ZFHX3: variants seen among roughly 807,000 people sequenced by gnomAD.
The protein encoded by ZFHX3 is zinc finger homeobox 3.
ZFHX3 carries 42 observed loss-of-function variants against 279.1 expected under a neutral mutation model. The ratio of observed to expected loss-of-function variants is 0.15; its 90% CI spans 0.12 to 0.19. The LOEUF is 0.19. Ranked by LOEUF, ZFHX3 falls within the 10% of genes least tolerant of loss-of-function variation. ZFHX3 has a pLI of 1.00. For missense variants in ZFHX3, 4,981 were observed against 4,754.0 expected (o/e 1.05, Z -1.40); for synonymous variants, 2,293 against 1,957.8 (o/e 1.17, Z -4.52).
intron 3 of ZFHX3, among the ~76,000 whole-genome samples, chr16:73,332,027 A>G (rs780283112): frequency 7.2e-5 from 11 of 152,214 alleles, no homozygotes; most frequent in Non-Finnish European, 1.3e-4. Flanking sequence ...GTTCAACTCC[A>G]TGCCTTATGC....
intron 4 of ZFHX3, among the ~76,000 whole-genome samples, chr16:72,869,735 T>C (rs2038109351): frequency 6.6e-6 from 1 of 152,234 alleles, no homozygotes; most frequent in African/African-American, 2.4e-5. Flanking sequence ...AGCCATTTTT[T>C]CAAAACAATC....
chr16:72,791,524 G>A (rs1435574873), intron 9 of ZFHX3: 1 of 152,268 alleles, frequency 6.6e-6, no homozygotes, highest in East Asian at 1.9e-4. Flanking sequence ...CTGGGTGGAA[G>A]CTCTGGCTCC....
chr16:73,570,245 C>T (rs570006164), intron 2 of ZFHX3, among the ~76,000 whole-genome samples: 1 of 152,188 alleles, frequency 6.6e-6, no homozygotes, highest in African/African-American at 2.4e-5. Flanking sequence ...GGATTCCCGA[C>T]ACAAATGCAA....
At chr16:73,294,258 T>C (rs1002588718) in intron 4 of ZFHX3, 1 of 152,282 alleles carries the variant, frequency 6.6e-6, no homozygotes, top group Admixed American at 6.5e-5. Context: ...GTGGGTGTCA[T>C]CGGTTTCTTA....
chr16:73,790,832 A>C (rs142928213), intron 1 of ZFHX3, among the ~76,000 whole-genome samples: 54 of 152,338 alleles, frequency 3.5e-4, no homozygotes, highest in African/African-American at 1.2e-3. Context: ...GAGAAACTCA[A>C]GTTTGCCTTG....
At chr16:73,306,641 G>A (rs955428734) in intron 4 of ZFHX3, among the ~76,000 whole-genome samples, 1 of 152,162 alleles carries the variant, frequency 6.6e-6, no homozygotes, top group Non-Finnish European at 1.5e-5. Context: ...TATTTTTCAT[G>A]CCTCCAAATG....
intron 3 of ZFHX3, chr16:73,420,681 G>C (rs1395399725): frequency 6.6e-6 from 1 of 152,148 alleles, no homozygotes; most frequent in East Asian, 1.9e-4. Flanking sequence ...AAGCTGGCTG[G>C]TGTCGCCTCA....
At chr16:73,537,794 A>G (rs569249490) in intron 2 of ZFHX3, among the ~76,000 whole-genome samples, 2 of 152,158 alleles carry the variant, frequency 1.3e-5, no homozygotes, top group Non-Finnish European at 2.9e-5. Context: ...TTTATACCTA[A>G]CCAGGAAGAT....
chr16:73,284,901 G>A (rs2063000425), intron 4 of ZFHX3, among the ~76,000 whole-genome samples: 1 of 152,110 alleles, frequency 6.6e-6, no homozygotes, highest in South Asian at 2.1e-4. Context: ...GGAGAGCACT[G>A]GTGTGATCAG....
intron 6 of ZFHX3, among the ~76,000 whole-genome samples, chr16:73,134,182 A>G (rs1452099718): frequency 6.6e-6 from 1 of 152,256 alleles, no homozygotes; most frequent in African/African-American, 2.4e-5. Context: ...ATTTGAACCC[A>G]GCAAGTCTGA....
At chr16:73,554,630 T>C (rs780251639) in intron 2 of ZFHX3, 1 of 152,248 alleles carries the variant, frequency 6.6e-6, no homozygotes, top group Non-Finnish European at 1.5e-5. Context: ...AAACTGTGGC[T>C]AATTTCTGGC....
At chr16:73,219,918 T>G (rs2012352599) in intron 5 of ZFHX3, among the ~76,000 whole-genome samples, 1 of 152,066 alleles carries the variant, frequency 6.6e-6, no homozygotes, top group African/African-American at 2.4e-5. Flanking sequence ...AAACCCCGTC[T>G]CTACCAAAAA....
At chr16:73,184,313 C>A (rs1022996410) in intron 5 of ZFHX3, among the ~76,000 whole-genome samples, 2 of 152,210 alleles carry the variant, frequency 1.3e-5, no homozygotes, top group Admixed American at 6.5e-5. Context: ...CACCTGCAGA[C>A]CTTTGCAGCC....
chr16:73,347,318 C>T (rs1362643960), intron 3 of ZFHX3, among the ~76,000 whole-genome samples: 1 of 152,238 alleles, frequency 6.6e-6, no homozygotes, highest in Non-Finnish European at 1.5e-5. Flanking sequence ...TTGCTGTCTG[C>T]TCTCCAGGCC....
At chr16:73,615,542 C>T (rs182806232) in intron 2 of ZFHX3, among the ~76,000 whole-genome samples, 43 of 152,340 alleles carry the variant, frequency 2.8e-4, no homozygotes, top group Non-Finnish European at 4.4e-4. Context: ...TGCAGCTGTG[C>T]ACTGAAATCA....
At chr16:73,490,251 G>A (rs1391702305) in intron 2 of ZFHX3, among the ~76,000 whole-genome samples, 2 of 152,134 alleles carry the variant, frequency 1.3e-5, no homozygotes, top group Admixed American at 1.3e-4. Context: ...CCAGTTCAAG[G>A]ATCATCACAC....
At chr16:73,586,076 T>C (rs1379726294) in intron 2 of ZFHX3, among the ~76,000 whole-genome samples, 1 of 152,132 alleles carries the variant, frequency 6.6e-6, no homozygotes, top group African/African-American at 2.4e-5. Flanking sequence ...CTATATATTG[T>C]TTTTAATAGA....
At chr16:73,473,339 C>CAAAA (rs11347779) in intron 2 of ZFHX3, among the ~76,000 whole-genome samples, 22 of 76,666 alleles carry the variant, frequency 2.9e-4, no homozygotes, top group Admixed American at 6.7e-4. Context: ...TGTCTCAAAG[C>CAAAA]AAAAAAAAAA....
At chr16:73,037,106 T>A (rs1964936539) in intron 1 of ZFHX3, among the ~76,000 whole-genome samples, 1 of 152,138 alleles carries the variant, frequency 6.6e-6, no homozygotes, top group African/African-American at 2.4e-5. Context: ...AGATTTAAGA[T>A]ACACCCGTAT....
Sources: gnomAD v4.1 joint callset for allele counts (sites outside exome capture counted in the v4.1 genomes callset) on GRCh38, gnomAD v4.1.1 for gene constraint, MANE v1.5 for transcripts, NCBI Gene and HGNC (gene_info 2026-07-23, HGNC 2026-07-21) for gene names.